The following GRM1 variants were observed in gnomAD, a reference collection of about 807,000 sequenced individuals.
GRM1 encodes glutamate metabotropic receptor 1.
Under a neutral mutation model 90.9 loss-of-function variants are expected in GRM1, and 33 were observed. That is an observed-to-expected ratio of 0.36 (90% CI 0.28 to 0.49). The LOEUF is 0.49. GRM1 is among the 20% of genes least tolerant of loss of function. The pLI is 0.99. For synonymous variants in GRM1, 700 were observed against 613.2 expected (o/e 1.14, Z -2.09); for missense variants, 1,190 against 1,534.3 (o/e 0.78, Z 3.75).
At chr6:146,422,844 G>A (rs1229034006) in intron 7 of GRM1, among the ~76,000 whole-genome samples, 3 of 151,936 alleles carry the variant, frequency 2.0e-5, no homozygotes, top group Non-Finnish European at 4.4e-5. Context: ...GAAATATATG[G>A]GTAAAGTTAC....
At chr6:146,290,613 G>A (rs1399831645) in intron 2 of GRM1, among the ~76,000 whole-genome samples, 4 of 152,110 alleles carry the variant, frequency 2.6e-5, no homozygotes, top group Admixed American at 2.0e-4. Context: ...CTTGCGATTG[G>A]TGACTCATTT....
Position 146,434,411 on chromosome 6 carries a change from C to T in GRM1, c.3200C>T (p.Pro1067Leu), listed in dbSNP as rs111508841. 1.2e-6 allele frequency: 2 copies of T among 1,613,278 alleles called. No homozygotes were observed. The highest frequency in any genetic ancestry group is 8.5e-7 in the Non-Finnish European group (1 of 1,179,648). The change falls in exon 8 of 8, where the codon CCG becomes CTG. Residue 1067 changes from proline to leucine, a missense_variant. Physicochemically the swap from Pro to Leu is moderately conservative, Grantham distance 98. Coordinates refer to ENST00000282753, the MANE Select transcript of GRM1 (RefSeq NM_001278064.2). ...GGGAACGGGCTGCGGTCCCTGTACC[C>T]GCCCCCGCCACCTCCGCAGCACCTG... The part of the protein sequence containing the change: ...GPGNGLRSLY[P>L]PPPPPQHLQM...
chr6:146,060,573 C>T (rs1775630510), intron 1 of GRM1, among the ~76,000 whole-genome samples: 1 of 152,144 alleles, frequency 6.6e-6, no homozygotes, highest in Admixed American at 6.6e-5. Flanking sequence ...CTGCAGAGGA[C>T]ATGATCTTGT....
intron 2 of GRM1, among the ~76,000 whole-genome samples, chr6:146,211,781 C>CT (rs1779695723): frequency 1.3e-5 from 2 of 152,078 alleles, no homozygotes; most frequent in African/African-American, 4.8e-5. Context: ...TTATACAGTT[C>CT]TTTTTTTGTT....
At chr6:146,397,473 C>CAAAAA (rs1195779695) in intron 6 of GRM1, among the ~76,000 whole-genome samples, 20 of 16,766 alleles carry the variant, frequency 1.2e-3, no homozygotes, top group Middle Eastern at 0.028. Context: ...GACCCCGTCT[C>CAAAAA]AAAAAAAAAA....
At chr6:146,363,116 T>C (rs1562639875) in intron 5 of GRM1, among the ~76,000 whole-genome samples, 1 of 152,206 alleles carries the variant, frequency 6.6e-6, no homozygotes, top group East Asian at 1.9e-4. Context: ...GGAGAAAACT[T>C]ATAATTTCTA....
chr6:146,407,143 C>G (rs965283443), intron 7 of GRM1, among the ~76,000 whole-genome samples: 1 of 152,152 alleles, frequency 6.6e-6, no homozygotes, highest in Non-Finnish European at 1.5e-5. Context: ...TACTTTAGAA[C>G]GAACGTAGCT....
chr6:146,334,297 C>T (rs1562617528), intron 3 of GRM1, among the ~76,000 whole-genome samples: 1 of 152,172 alleles, frequency 6.6e-6, no homozygotes, highest in Non-Finnish European at 1.5e-5. Context: ...CTGCCTAGAC[C>T]CATCCTCTTC....
intron 3 of GRM1, among the ~76,000 whole-genome samples, chr6:146,327,322 A>T (rs1784428760): frequency 6.6e-6 from 1 of 152,174 alleles, no homozygotes; most frequent in Admixed American, 6.6e-5. Context: ...TTTAGAGACA[A>T]AATAGGTGTT....
intron 7 of GRM1, among the ~76,000 whole-genome samples, chr6:146,405,334 A>G (rs1777307914): frequency 6.6e-6 from 1 of 152,156 alleles, no homozygotes; most frequent in African/African-American, 2.4e-5. Flanking sequence ...ACATTAGGGA[A>G]CTCTTACACT....
intron 1 of GRM1, among the ~76,000 whole-genome samples, chr6:146,116,106 A>G (rs1294040514): frequency 6.6e-6 from 1 of 152,028 alleles, no homozygotes; most frequent in African/African-American, 2.4e-5. Context: ...ATATGCCGTG[A>G]TGCTTGGCTA....
chr6:146,377,799 C>T (rs1287075223), intron 5 of GRM1, among the ~76,000 whole-genome samples: 1 of 152,144 alleles, frequency 6.6e-6, no homozygotes, highest in East Asian at 1.9e-4. Context: ...TAGTTCAGTG[C>T]TGTGCATCCC....
intron 2 of GRM1, among the ~76,000 whole-genome samples, chr6:146,296,613 A>ATT (rs1219941372): frequency 2.0e-5 from 3 of 152,170 alleles, no homozygotes; most frequent in African/African-American, 7.2e-5. Context: ...AATTCCATTG[A>ATT]TTTTAAAAGT....
At chr6:146,110,511 A>G (rs192876898) in intron 1 of GRM1, among the ~76,000 whole-genome samples, 4 of 152,244 alleles carry the variant, frequency 2.6e-5, no homozygotes, top group Non-Finnish European at 5.9e-5. Context: ...ATATATCTTT[A>G]TCAGCAGCAC....
chr6:146,315,393 A>G (rs1305797011), intron 3 of GRM1, among the ~76,000 whole-genome samples: 1 of 152,196 alleles, frequency 6.6e-6, no homozygotes, highest in Non-Finnish European at 1.5e-5. Context: ...CCTCTTAAAA[A>G]TAAAAGTAAA....
At position 146,275,796 on chromosome 6, in the gene GRM1, C is replaced by T. The variant is rs904252511; in HGVS notation, c.951-28815C>T. Among the ~76,000 whole-genome samples, 13 of 152,164 alleles carry T rather than the reference C, an allele frequency of 8.5e-5. 1 individual carries two copies. The highest frequency in any genetic ancestry group is 3.4e-3 in the Middle Eastern group (1 of 294). ...GTGTTTTACTTTAAAGAGTCAGCAC[C>T]GATGATACTGAAATTCTTACTTATT... On this transcript the variant is annotated intron_variant, in intron 2 of 7. Transcript: ENST00000282753.
intron 1 of GRM1, among the ~76,000 whole-genome samples, chr6:146,107,320 G>A (rs546762624): frequency 6.6e-6 from 1 of 151,260 alleles, no homozygotes; most frequent in Admixed American, 6.6e-5. Context: ...GTAGTAGTAT[G>A]CTCAATTAAA....
chr6:146,230,530 T>G (rs1322156512), intron 2 of GRM1, among the ~76,000 whole-genome samples: 4 of 152,176 alleles, frequency 2.6e-5, no homozygotes, highest in Non-Finnish European at 5.9e-5. Flanking sequence ...TTGGCAAGGA[T>G]GTGGAACAAC....
At chr6:146,295,024 T>C (rs1783128005) in intron 2 of GRM1, among the ~76,000 whole-genome samples, 1 of 152,272 alleles carries the variant, frequency 6.6e-6, no homozygotes, top group African/African-American at 2.4e-5. Context: ...ATCACTGATA[T>C]ATGTGGAATT....
Sources: gnomAD v4.1 joint callset for allele counts (sites outside exome capture counted in the v4.1 genomes callset) on GRCh38, gnomAD v4.1.1 for gene constraint, MANE v1.5 for transcripts, NCBI Gene and HGNC (gene_info 2026-07-23, HGNC 2026-07-21) for gene names.